COL4A1: variants seen among roughly 807,000 people sequenced by gnomAD.
The protein encoded by COL4A1 is collagen type IV alpha 1 chain.
COL4A1 carries 40 observed loss-of-function variants against 216.6 expected under a neutral mutation model. That is an observed-to-expected ratio of 0.18 (90% CI 0.14 to 0.24). COL4A1 has a LOEUF of 0.24. COL4A1 is among the 10% of genes least tolerant of loss of function. The probability of loss-of-function intolerance (pLI) is 1.00; values close to 1 mark genes in which losing one functional copy is unlikely to be tolerated. For missense variants in COL4A1, 1,628 were observed against 2,196.8 expected, an observed-to-expected ratio of 0.74 and a Z score of 5.18; for synonymous variants, 839 against 810.7, an observed-to-expected ratio of 1.03 and a Z score of -0.59.
At chr13:110,171,841 G>C (rs1877656774) in intron 41 of COL4A1, among the ~76,000 whole-genome samples, 1 of 152,232 alleles carries the variant, frequency 6.6e-6, no homozygotes, top group South Asian at 2.1e-4. Context: ...ATTTGCAAGG[G>C]GCTCTGTGTT....
At chr13:110,190,899 C>T (rs1878598176) in intron 24 of COL4A1, 1 of 152,188 alleles carries the variant, frequency 6.6e-6, no homozygotes, top group African/African-American at 2.4e-5. Flanking sequence ...TTTCTCACCT[C>T]TTTCCTCTTT....
At position 110,175,500 on chromosome 13, in the gene COL4A1, C is replaced by T. The variant is rs2139161355; in HGVS notation, c.3059-143G>A. 2.8e-6 allele frequency: 4 copies of T among 1,414,522 alleles called. No homozygotes were observed. In the East Asian group the frequency reaches 9.9e-5, roughly 35 times the overall value. 87.6% of individuals were successfully genotyped at this position (1,414,522 alleles called of 1,614,324 possible). A position where few individuals can be genotyped will look rare whatever the true frequency, so the allele number is the denominator to read the frequency against. ...CAGCCAAGATTGAGATACAAGAATG[C>T]ACATCCCTCATGTATCAATCGGCTC... On this transcript the variant is annotated intron_variant, in intron 36 of 51. Coordinates refer to ENST00000375820, the MANE Select transcript of COL4A1 (RefSeq NM_001845.6).
chr13:110,227,571 G>C (rs1357885644), intron 2 of COL4A1, among the ~76,000 whole-genome samples: 1 of 152,124 alleles, frequency 6.6e-6, no homozygotes, highest in Non-Finnish European at 1.5e-5. Context: ...CAGGGTCTGA[G>C]GTCTGGGACA....
In COL4A1 at chr13:110,179,259, G is replaced by T. The variant is rs373696600; in HGVS notation, c.2344+12C>A. ...TCCTCGAAACCCTCCAGACTGATCTGCATGAAGTTACCTCTGATCCCCTGA... is the reference window on the plus strand; with the variant it reads ...TCCTCGAAACCCTCCAGACTGATCTTCATGAAGTTACCTCTGATCCCCTGA... On this transcript the variant is annotated intron_variant, in intron 30 of 51. Coordinates refer to ENST00000375820, the MANE Select transcript of COL4A1 (RefSeq NM_001845.6). The T allele has an allele frequency of 1.2e-5, 20 of 1,614,078 alleles. No individual in the cohort carries two copies. The highest frequency in any genetic ancestry group is 1.5e-5 in the Non-Finnish European group (18 of 1,180,012).
intron 1 of COL4A1, among the ~76,000 whole-genome samples, chr13:110,297,475 G>A (rs1364691063): frequency 6.6e-6 from 1 of 152,158 alleles, no homozygotes; most frequent in African/African-American, 2.4e-5. Context: ...AAGTTAAGAA[G>A]GTTGCCCAAA....
In COL4A1 at chr13:110,163,454, G is replaced by A. The variant is rs186028417; in HGVS notation, c.4249+9C>T. 2.4e-5 allele frequency: 38 copies of A among 1,613,610 alleles called. No homozygotes were observed. The highest frequency in any genetic ancestry group is 8.0e-5 in the African/African-American group (6 of 74,982). On this transcript the variant is annotated intron_variant, in intron 47 of 51. Transcript: ENST00000375820. ...CAAGGGTAATTACGTTGGAAGTTTC[G>A]CAACCTACCAGTAGGCCCGGCAGGT...
At chr13:110,182,573 C>G (rs1193166426) in intron 28 of COL4A1, among the ~76,000 whole-genome samples, 1 of 152,196 alleles carries the variant, frequency 6.6e-6, no homozygotes, top group Non-Finnish European at 1.5e-5. Context: ...AGTGACGGCT[C>G]TAACACCGGT....
chr13:110,198,252 G>A (rs1290608994), intron 21 of COL4A1, among the ~76,000 whole-genome samples: 4 of 152,084 alleles, frequency 2.6e-5, no homozygotes, highest in Non-Finnish European at 5.9e-5. Flanking sequence ...TATTTACTCC[G>A]TTAAACCAGC....
At chr13:110,160,104 G>C (rs1183541287) in intron 49 of COL4A1, among the ~76,000 whole-genome samples, 1 of 152,194 alleles carries the variant, frequency 6.6e-6, no homozygotes, top group African/African-American at 2.4e-5. Context: ...GATGGTAAAT[G>C]TTATGTTATG....
chr13:110,304,477 T>G (rs1884608214), intron 1 of COL4A1, among the ~76,000 whole-genome samples: 1 of 152,120 alleles, frequency 6.6e-6, no homozygotes, highest in African/African-American at 2.4e-5. Flanking sequence ...GAGGGGAGTG[T>G]GAAAGCTGCT....
In COL4A1 at chr13:110,198,714, A is replaced by C. The variant is rs988076512; in HGVS notation, c.1121-83T>G. On this transcript the variant is annotated intron_variant, in intron 20 of 51. Coordinates refer to ENST00000375820, the MANE Select transcript of COL4A1 (RefSeq NM_001845.6). ...TAAACTCATTCTCCTAACTCTGTTC[A>C]AGGTAAAAATCCAACCAGACCATCA... 2.8e-5 allele frequency: 45 copies of C among 1,580,854 alleles called. No homozygotes were observed. The African/African-American group carries it at 5.1e-4, about 18-fold the overall frequency.
rs767414331 is a variant in COL4A1 at position 110,186,426 on chromosome 13, T to G, written c.1856A>C (p.Gln619Pro). Reference protein sequence around the residue: ...GPAGPIGDKGQAGFPGGPGSP... With the variant: ...GPAGPIGDKGPAGFPGGPGSP... ...TCCAGGGCCTCCAGGAAAGCCTGCT[T>G]GTCCTTTGTCACCAATGGGACCAGC... The change falls in exon 26 of 52, where the codon CAA becomes CCA. Residue 619 changes from glutamine (Q) to proline (P), a missense_variant. By Grantham distance (76) the Gln-to-Pro change is moderately conservative. This residue lies in a region of COL4A1 where 701 missense variants were observed against 892.5 expected (regional missense o/e 0.79). Coordinates refer to ENST00000375820, the MANE Select transcript of COL4A1 (RefSeq NM_001845.6). 3.1e-6 allele frequency: 5 copies of G among 1,613,612 alleles called. No homozygotes were observed. In the African/African-American group the frequency reaches 4.0e-5, roughly 13 times the overall value.
rs189728415 is a variant in COL4A1 at position 110,166,243 on chromosome 13, G to A, written c.4010C>T (p.Pro1337Leu). The A allele has an allele frequency of 1.0e-4, 161 of 1,606,326 alleles. No homozygotes were observed. The highest frequency in any genetic ancestry group is 1.2e-4 in the Non-Finnish European group (141 of 1,172,928). Residue 1337 changes from proline (P) to leucine (L), a missense_variant, in exon 45 of 52, where the codon CCG becomes CTG. By Grantham distance (98) the Pro-to-Leu change is moderately conservative. Coordinates refer to ENST00000375820, the MANE Select transcript of COL4A1 (RefSeq NM_001845.6). ...ACAAACTCTCCTACCTTTAGCTCCC[G>A]GGACGCCTTGATCGCCTTGATCACC... ...IKGDQGDQGV[P>L]GAKGLPGPPG...
At position 110,212,400 on chromosome 13, in the gene COL4A1, C is replaced by A. The variant is rs971514668; in HGVS notation, c.387+17G>T. On this transcript the variant is annotated intron_variant, in intron 6 of 51. Coordinates refer to ENST00000375820, the MANE Select transcript of COL4A1 (RefSeq NM_001845.6). The stretch of plus-strand genomic sequence containing the variant: ...CGTAAACACACACAAAAAGGAGGGT[C>A]TCGGTTCTGGATTTACCTTTGTGCC... The A allele has an allele frequency of 1.2e-6, 2 of 1,612,888 alleles. No individual in the cohort carries two copies. Among genetic ancestry groups the A allele is most frequent in the African/African-American group, 2.7e-5 (2 of 74,906 alleles).
intron 2 of COL4A1, among the ~76,000 whole-genome samples, chr13:110,231,981 A>G (rs1881087085): frequency 6.6e-6 from 1 of 152,186 alleles, no homozygotes; most frequent in Non-Finnish European, 1.5e-5. Flanking sequence ...TCTATCATTC[A>G]TTACCTTCAG....
rs1462003573 is a variant in COL4A1, at chr13:110,228,696, C to G, written c.144+13979G>C. On this transcript the variant is annotated intron_variant, in intron 2 of 51. Transcript: ENST00000375820. ...TTCCCCCTCCCTTTGGGTTCACGGC[C>G]TTATCCAATAGGAAGCCCAAAGAAA... Among the ~76,000 whole-genome samples, 35 of 152,214 alleles carry G rather than the reference C, an allele frequency of 2.3e-4. 1 individual carries two copies. The highest frequency in any genetic ancestry group is 2.3e-3 in the Admixed American group (35 of 15,288).
intron 37 of COL4A1, 83 bp downstream of exon 37, chr13:110,175,135 C>A: frequency 6.5e-7 from 1 of 1,549,354 alleles, no homozygotes; most frequent in East Asian, 2.2e-5. Flanking sequence ...ATTGAGTGTG[C>A]TGAGATATTT....
rs372842009 is a variant in COL4A1 at position 110,191,796 on chromosome 13, AGAT to A, written c.1536+415_1536+417del. ...TGAACCTACTGACTAACCAGCTTTT[AGAT>A]GATCTGATATGATGTTACCAGCACT... On this transcript the variant is annotated intron_variant, in intron 24 of 51. Transcript: ENST00000375820. 1.5e-4 allele frequency: 88 copies of A among 596,660 alleles called. No homozygotes were observed. The East Asian group carries it at 2.2e-3, about 15-fold the overall frequency. 37.0% of individuals were successfully genotyped at this position (596,660 alleles called of 1,614,324 possible). A position where few individuals can be genotyped will look rare whatever the true frequency, so the allele number is the denominator to read the frequency against.
rs775516065 is a variant in COL4A1 at position 110,200,813 on chromosome 13, G to A, written c.1120+41C>T. The stretch of plus-strand genomic sequence containing the variant: ...ATTCAGAATATAAACAGCACAGAAG[G>A]TGTGCAAGTATGCTATAACAAATCA... On this transcript the variant is annotated intron_variant, in intron 20 of 51. Coordinates refer to ENST00000375820, the MANE Select transcript of COL4A1 (RefSeq NM_001845.6). The A allele has an allele frequency of 5.0e-6, 8 of 1,586,944 alleles. No individual in the cohort carries two copies. In the South Asian group the frequency reaches 8.8e-5, roughly 18 times the overall value.
Sources: allele counts gnomAD v4.1 joint callset (sites outside exome capture counted in the v4.1 genomes callset), GRCh38; gene constraint gnomAD v4.1.1; regional missense constraint gnomAD v4.1.1; transcripts MANE v1.5; gene names NCBI Gene and HGNC (gene_info 2026-07-23, HGNC 2026-07-21).